GFAP: variants seen among roughly 807,000 people sequenced by gnomAD.
GFAP encodes the protein glial fibrillary acidic protein, also known as intermediate filament protein.
GFAP carries 38 observed loss-of-function variants against 49.3 expected under a neutral mutation model. The observed-to-expected ratio is 0.77, with a 90% confidence interval of 0.60 to 1.01. The LOEUF is 1.01. GFAP is among the 50% of genes least tolerant of loss of function. GFAP has a pLI of 0.00. For synonymous variants in GFAP, 222 were observed against 236.4 expected (o/e 0.94, Z 0.56); for missense variants, 463 against 579.1 (o/e 0.80, Z 2.06).
chr17:44,910,148 C>A lies in GFAP; in HGVS notation c.1171+467G>T, dbSNP rs200468026. 3 of 1,613,926 alleles carry A rather than the reference C, an allele frequency of 1.9e-6. No homozygotes were observed. The highest frequency in any genetic ancestry group is 3.3e-5 in the Admixed American group (2 of 60,020). On this transcript the variant is annotated intron_variant, in intron 7 of 8. Coordinates refer to ENST00000588735, the MANE Select transcript of GFAP (RefSeq NM_002055.5). ...GAGAGGCAGGCAGCTAACCGCGAGC[C>A]GGCGGCGTTCCATTTACAATCTGGT...
At chr17:44,908,174 T>G in intron 7 of GFAP, 25 bp from the exon 8 acceptor site, 2 of 1,527,068 alleles carry the variant, frequency 1.3e-6, no homozygotes, top group Non-Finnish European at 1.8e-6. Context: ...AGAGGAGGCC[T>G]CTCATGGACT....
chr17:44,913,605 G>T, intron 3 of GFAP, 123 bp downstream of exon 3: 1 of 1,032,076 alleles, frequency 9.7e-7, no homozygotes, highest in Non-Finnish European at 1.5e-6. Context: ...GTCTCTACCT[G>T]CCAATCTCTG....
intron 4 of GFAP, chr17:44,912,916 T>A (rs1412866264): frequency 3.0e-6 from 1 of 336,020 alleles, no homozygotes. Flanking sequence ...ACTCTACCAC[T>A]TAGGAGCTGT....
In GFAP at chr17:44,910,633, A is replaced by G; in HGVS notation, c.1153T>C (p.Ser385Pro). Residue 385 changes from serine to proline, a missense_variant, in exon 7 of 9, where the codon TCC becomes CCC. This residue lies in a region of GFAP where 362 missense variants were observed against 445.5 expected (regional missense o/e 0.81). Transcript: ENST00000588735. The stretch of plus-strand genomic sequence containing the variant: ...TACTGACCTCGAATCTGCAGGTTGG[A>G]GAAGGTCTGCACGGGAATGGTGATC... ...NRITIPVQTF[S>P]NLQIRETSLD... 1 of 1,584,784 alleles carries G rather than the reference A, an allele frequency of 6.3e-7. No individual in the cohort carries two copies. The highest frequency in any genetic ancestry group is 8.6e-7 in the Non-Finnish European group (1 of 1,165,484).
Position 44,910,640 on chromosome 17 carries a change from C to T in GFAP, c.1146G>A (p.Gln382=). 1.3e-6 allele frequency: 2 copies of T among 1,585,796 alleles called. No homozygotes were observed. The highest frequency in any genetic ancestry group is 2.3e-5 in the South Asian group (2 of 86,658). ...GEENRITIPV[Q]TFSNLQIRET... ...CTCGAATCTGCAGGTTGGAGAAGGT[C>T]TGCACGGGAATGGTGATCCTGAAAG... Residue 382 remains glutamine (Q), a synonymous_variant, in exon 7 of 9, where the codon CAG becomes CAA. Coordinates refer to ENST00000588735, the MANE Select transcript of GFAP (RefSeq NM_002055.5).
chr17:44,903,769 C>T lies in GFAP; in HGVS notation c.*3578G>A. The stretch of plus-strand genomic sequence containing the variant: ...TCCGCTTAGCAGAGCTTTCTAGGAG[C>T]CCTATGAGCCTTTAATGCCCTGGTT... On this transcript the variant is annotated 3_prime_UTR_variant, in exon 9 of 9. Transcript: ENST00000588735. 6.7e-7 allele frequency: 1 copy of T among 1,485,912 alleles called. No individual in the cohort carries two copies. The highest frequency in any genetic ancestry group is 2.4e-5 in the Admixed American group (1 of 41,272). 92.0% of individuals were successfully genotyped at this position (1,485,912 alleles called of 1,614,324 possible). A position where few individuals can be genotyped will look rare whatever the true frequency, so the allele number is the denominator to read the frequency against.
Position 44,904,951 on chromosome 17 carries a change from T to C in GFAP, c.*2396A>G. On this transcript the variant is annotated 3_prime_UTR_variant, in exon 9 of 9. Transcript: ENST00000588735. ...CAGCCTCGTTCTCAGATCCTGAGAC[T>C]CGCTCGGCTGTGGAGCTCACCCTGA... is the stretch of plus-strand genomic sequence containing the variant. 6.4e-7 allele frequency: 1 copy of C among 1,550,708 alleles called. No homozygotes were observed. The highest frequency in any genetic ancestry group is 1.2e-5 in the South Asian group (1 of 84,064).
chr17:44,910,151 C>A (rs759780087), intron 7 of GFAP: 1 of 1,613,834 alleles, frequency 6.2e-7, no homozygotes. Context: ...CGCGAGCCGG[C>A]GGCGTTCCAT....
intron 1 of GFAP, chr17:44,914,727 G>A: frequency 2.1e-6 from 1 of 474,422 alleles, no homozygotes; most frequent in Non-Finnish European, 3.8e-6. Flanking sequence ...CAGTCACAAA[G>A]CCCAGCCATG....
Position 44,904,220 on chromosome 17 carries a change from GA to G in GFAP, c.*3126del. 1 of 1,550,586 alleles carries G rather than the reference GA, an allele frequency of 6.4e-7. No individual in the cohort carries two copies. Among genetic ancestry groups the G allele is most frequent in the East Asian group, 2.4e-5 (1 of 40,930 alleles). On this transcript the variant is annotated 3_prime_UTR_variant, in exon 9 of 9. Transcript: ENST00000588735. ...GTACTTCTGCGGCACCCGCAAGGGGGACTACTTTTACGCCTACGATGTGGAC... is the reference window on the plus strand; with the variant it reads ...GTACTTCTGCGGCACCCGCAAGGGGGCTACTTTTACGCCTACGATGTGGAC...
intron 4 of GFAP, chr17:44,912,643 C>T (rs1402377709): frequency 1.3e-5 from 2 of 159,130 alleles, no homozygotes; most frequent in African/African-American, 2.4e-5. Context: ...CTCTTCCTGT[C>T]CACAGCGTGC....
Position 44,903,888 on chromosome 17 carries a change from T to C in GFAP, c.*3459A>G, listed in dbSNP as rs1282141370. 3.9e-6 allele frequency: 6 copies of C among 1,550,356 alleles called. No homozygotes were observed. Among genetic ancestry groups the C allele is most frequent in the Non-Finnish European group, 5.2e-6 (6 of 1,146,946 alleles). The stretch of plus-strand genomic sequence containing the variant: ...GCATGGGGGCTCCAGGCCTTTGAAA[T>C]TGTGGAGAAGGAAAACATTTTTCAG... On this transcript the variant is annotated 3_prime_UTR_variant, in exon 9 of 9. Transcript: ENST00000588735.
Position 44,905,159 on chromosome 17 carries a change from G to T in GFAP, c.*2188C>A. On this transcript the variant is annotated 3_prime_UTR_variant, in exon 9 of 9. Coordinates refer to ENST00000588735, the MANE Select transcript of GFAP (RefSeq NM_002055.5). ...TCTCTGGGTGGGTACCCTGGGTTGG[G>T]ACAGGTGGTAGGAACATGTGGACAA... 1 of 1,057,142 alleles carries T rather than the reference G, an allele frequency of 9.5e-7. No homozygotes were observed. 65.5% of individuals were successfully genotyped at this position (1,057,142 alleles called of 1,614,324 possible). A position where few individuals can be genotyped will look rare whatever the true frequency, so the allele number is the denominator to read the frequency against.
chr17:44,910,158 C>T (rs2051726937), intron 7 of GFAP: 1 of 1,613,796 alleles, frequency 6.2e-7, no homozygotes, highest in Admixed American at 1.7e-5. Flanking sequence ...CGGCGGCGTT[C>T]CATTTACAAT....
chr17:44,911,179 T>C, intron 6 of GFAP, 57 bp downstream of exon 6: 1 of 1,473,990 alleles, frequency 6.8e-7, no homozygotes, highest in East Asian at 2.3e-5. Context: ...GGGAGCAAGA[T>C]GAGCTCTACC....
At position 44,915,349 on chromosome 17, in the gene GFAP, G is replaced by A; in HGVS notation, c.138C>T (p.Leu46=). The part of the protein sequence containing the change: ...RLSLARMPPP[L]PTRVDFSLAG... ...CCAGGGAGAAATCCACCCGGGTCGG[G>A]AGTGGAGGGGGCATTCGAGCCAGGG... Residue 46 remains leucine (L), a synonymous_variant, in exon 1 of 9, where the codon CTC becomes CTT. Transcript: ENST00000588735. This position sits in a 1 kb window ranked among gnomAD's most constrained non-coding sequence, Gnocchi z 4.1. 1 of 1,612,396 alleles carries A rather than the reference G, an allele frequency of 6.2e-7. No individual in the cohort carries two copies. The highest frequency in any genetic ancestry group is 1.1e-5 in the South Asian group (1 of 91,058).
At position 44,911,335 on chromosome 17, in the gene GFAP, GC is replaced by G. The variant is rs2145632868; in HGVS notation, c.1027del (p.Ala343ProfsTer28). ...GTCCTGGTACTCCTGCAAGTGGCGG[GC>G]CATCTCGTCCTTGAGGCTCTGCCCC... Reference protein sequence around the residue: ...EEGQSLKDEMARHLQEYQDLL... With the variant: ...EEGQSLKDEMXRHLQEYQDLL... On this transcript the variant is annotated frameshift_variant, in exon 6 of 9. Coordinates refer to ENST00000588735, the MANE Select transcript of GFAP (RefSeq NM_002055.5). LOFTEE classifies it high-confidence loss of function. 6.2e-7 allele frequency: 1 copy of G among 1,614,182 alleles called. No individual in the cohort carries two copies. The highest frequency in any genetic ancestry group is 2.2e-5 in the East Asian group (1 of 44,886).
intron 1 of GFAP, chr17:44,914,323 T>C (rs2051855247): frequency 1.8e-6 from 1 of 566,176 alleles, no homozygotes; most frequent in Admixed American, 3.1e-5. Flanking sequence ...GTGCACCTGC[T>C]TCTGCTCACA....
chr17:44,911,856 G>A (rs2051779400), intron 4 of GFAP, 59 bp from the exon 5 acceptor site: 1 of 1,573,414 alleles, frequency 6.4e-7, no homozygotes, highest in African/African-American at 1.3e-5. Flanking sequence ...CGGGCTCTGG[G>A]AAATCAGGGA....
Sources: allele counts gnomAD v4.1 joint callset, GRCh38; gene constraint gnomAD v4.1.1; regional missense constraint gnomAD v4.1.1; non-coding constraint Gnocchi (gnomAD v3.1); transcripts MANE v1.5; gene names NCBI Gene and HGNC (gene_info 2026-07-23, HGNC 2026-07-21).